The following PDE7B variants were observed in gnomAD, a reference collection of about 807,000 sequenced individuals.
PDE7B encodes phosphodiesterase 7B.
A neutral mutation model predicts 56.2 loss-of-function variants in PDE7B; 29 were observed. The ratio of observed to expected loss-of-function variants is 0.52; its 90% CI spans 0.38 to 0.70. The LOEUF (loss-of-function observed/expected upper bound fraction) is 0.70, where lower values mean the gene tolerates loss of function less well. Ranked by LOEUF, PDE7B falls within the 30% of genes least tolerant of loss-of-function variation. The probability of loss-of-function intolerance (pLI) is 0.00; values close to 1 mark genes in which losing one functional copy is unlikely to be tolerated. For missense variants in PDE7B, 490 were observed against 565.0 expected, an observed-to-expected ratio of 0.87 and a Z score of 1.35; for synonymous variants, 197 against 196.9, an observed-to-expected ratio of 1.00 and a Z score of 0.00.
chr6:136,131,838 G>T (rs1778124499), intron 3 of PDE7B, among the ~76,000 whole-genome samples: 1 of 151,976 alleles, frequency 6.6e-6, no homozygotes, highest in African/African-American at 2.4e-5. Flanking sequence ...TTCTCTAGGT[G>T]TTTTCTAGTT....
chr6:135,934,957 T>TA (rs1415672458), intron 1 of PDE7B, among the ~76,000 whole-genome samples: 1 of 50,366 alleles, frequency 2.0e-5, no homozygotes, highest in Non-Finnish European at 4.0e-5. Flanking sequence ...TATTTATATA[T>TA]AATATATATA....
chr6:136,088,195 G>A (rs1454691392), intron 2 of PDE7B, among the ~76,000 whole-genome samples: 1 of 152,136 alleles, frequency 6.6e-6, no homozygotes, highest in African/African-American at 2.4e-5. Context: ...AGGAGCAGAT[G>A]GAGATTGATG....
At chr6:135,923,629 TAGAA>T (rs1483808572) in intron 1 of PDE7B, among the ~76,000 whole-genome samples, 1 of 151,936 alleles carries the variant, frequency 6.6e-6, no homozygotes, top group Non-Finnish European at 1.5e-5. Context: ...CAATATAAAA[TAGAA>T]AGAAATGAAC....
Position 136,191,995 on chromosome 6 carries a change from T to C in PDE7B, c.*155T>C. On this transcript the variant is annotated 3_prime_UTR_variant, in exon 13 of 13. Transcript: ENST00000308191. Reference sequence around the variant, plus strand: ...CTTCCTCCCACTTACCTGCCTCCCCTCCTTTTCGCAAATGTACAGAAGCCA... The same window carrying C: ...CTTCCTCCCACTTACCTGCCTCCCCCCCTTTTCGCAAATGTACAGAAGCCA... 2 of 626,802 alleles carry C rather than the reference T, an allele frequency of 3.2e-6. No homozygotes were observed. Among genetic ancestry groups the C allele is most frequent in the Non-Finnish European group, 5.6e-6 (2 of 359,784 alleles). The allele number at this position is 626,802 out of a possible 1,614,324, so 38.8% of individuals were successfully genotyped here. A position where few individuals can be genotyped will look rare whatever the true frequency, so the allele number is the denominator to read the frequency against.
At chr6:135,861,489 G>A (rs991709645) in intron 1 of PDE7B, among the ~76,000 whole-genome samples, 13 of 149,282 alleles carry the variant, frequency 8.7e-5, no homozygotes, top group African/African-American at 2.9e-4. Context: ...AAGTTATTTT[G>A]TATATTTATA....
chr6:135,959,375 A>G (rs1460884337), intron 2 of PDE7B, among the ~76,000 whole-genome samples: 1 of 152,198 alleles, frequency 6.6e-6, no homozygotes, highest in Non-Finnish European at 1.5e-5. Flanking sequence ...GTCGAAATGT[A>G]AATTTCAGAA....
chr6:136,043,376 A>G (rs1226421261), intron 2 of PDE7B, among the ~76,000 whole-genome samples: 1 of 152,084 alleles, frequency 6.6e-6, no homozygotes, highest in Non-Finnish European at 1.5e-5. Context: ...TTCTAAGTCC[A>G]TAAGAGAGGC....
intron 1 of PDE7B, among the ~76,000 whole-genome samples, chr6:135,912,612 C>T (rs1377444856): frequency 6.6e-6 from 1 of 151,988 alleles, no homozygotes; most frequent in Admixed American, 6.6e-5. Flanking sequence ...CAGGAGAGAT[C>T]ACTGGCTGAA....
At chr6:135,910,703 C>T (rs544041634) in intron 1 of PDE7B, among the ~76,000 whole-genome samples, 1 of 152,156 alleles carries the variant, frequency 6.6e-6, no homozygotes, top group South Asian at 2.1e-4. Context: ...GGAGTATTTT[C>T]ACTGCCCTAA....
At chr6:136,132,411 A>G (rs559051722) in intron 3 of PDE7B, among the ~76,000 whole-genome samples, 16 of 152,270 alleles carry the variant, frequency 1.1e-4, no homozygotes, top group Admixed American at 6.5e-4. Context: ...GCAGGATATA[A>G]TGAGCAGAGC....
intron 2 of PDE7B, among the ~76,000 whole-genome samples, chr6:136,048,119 G>GATAGACAGATAGATAA (rs1306181319): frequency 2.6e-5 from 4 of 152,110 alleles, no homozygotes; most frequent in African/African-American, 9.7e-5. Flanking sequence ...CAGATAGATA[G>GATAGACAGATAGATAA]ATGTGATATA....
intron 3 of PDE7B, among the ~76,000 whole-genome samples, 170 bp from the exon 4 acceptor site, chr6:136,147,181 C>T (rs556255649): frequency 6.6e-6 from 1 of 151,774 alleles, no homozygotes; most frequent in South Asian, 2.1e-4. Flanking sequence ...AAACAAATAT[C>T]AGGTATGTTC....
chr6:136,077,320 A>T (rs1441741124), intron 2 of PDE7B, among the ~76,000 whole-genome samples: 1 of 152,224 alleles, frequency 6.6e-6, no homozygotes, highest in African/African-American at 2.4e-5. Context: ...TAAAAACATA[A>T]AGATGTGTGG....
intron 2 of PDE7B, among the ~76,000 whole-genome samples, chr6:136,009,230 T>C (rs1775844161): frequency 6.6e-6 from 1 of 151,880 alleles, no homozygotes; most frequent in Non-Finnish European, 1.5e-5. Context: ...CTGTTTTGGT[T>C]ACTGTAGCCT....
chr6:136,079,064 AT>A (rs1332322417), intron 2 of PDE7B, among the ~76,000 whole-genome samples: 2 of 152,212 alleles, frequency 1.3e-5, no homozygotes, highest in African/African-American at 4.8e-5. Flanking sequence ...ATGCCACTGC[AT>A]TCCCAATAAT....
At chr6:135,927,084 C>T (rs748016305) in intron 1 of PDE7B, among the ~76,000 whole-genome samples, 2 of 152,162 alleles carry the variant, frequency 1.3e-5, no homozygotes, top group Admixed American at 6.5e-5. Context: ...GGAGAAAATG[C>T]GTTTCTTCTT....
chr6:136,183,332 G>A (rs1413977155), intron 11 of PDE7B, among the ~76,000 whole-genome samples: 5 of 151,868 alleles, frequency 3.3e-5, no homozygotes, highest in East Asian at 1.9e-4. Context: ...GGTGGCTCAC[G>A]CCTGTAATCC....
rs953113658 is a variant in PDE7B at position 136,061,736 on chromosome 6, G to A, written c.83-46995G>A. Among the ~76,000 whole-genome samples, 3 of 152,168 alleles carry A rather than the reference G, an allele frequency of 2.0e-5. No homozygotes were observed. The East Asian group carries it at 5.8e-4, about 29-fold the overall frequency. ...TGGGCATAGTACCATGTTGGGTAGG[G>A]CAGTGACAGTTCGAAGTGAGGGGAT... On this transcript the variant is annotated intron_variant, in intron 2 of 12. Coordinates refer to ENST00000308191, the MANE Select transcript of PDE7B (RefSeq NM_018945.4).
At chr6:136,109,674 A>T (rs1777710629) in intron 3 of PDE7B, among the ~76,000 whole-genome samples, 1 of 152,134 alleles carries the variant, frequency 6.6e-6, no homozygotes, top group Admixed American at 6.5e-5. Context: ...ACTGCTCCTC[A>T]TCAGTAGTTT....
Sources: gnomAD v4.1 joint callset for allele counts (sites outside exome capture counted in the v4.1 genomes callset) on GRCh38, gnomAD v4.1.1 for gene constraint, MANE v1.5 for transcripts, NCBI Gene and HGNC (gene_info 2026-07-23, HGNC 2026-07-21) for gene names.